CRTC3: variants seen among roughly 807,000 people sequenced by gnomAD.
CRTC3 encodes CREB regulated transcription coactivator 3.
CRTC3 carries 26 observed loss-of-function variants against 74.5 expected under a neutral mutation model. The observed-to-expected ratio is 0.35, with a 90% CI of 0.26 to 0.48. CRTC3 has a LOEUF of 0.48. Among genes scored for constraint, CRTC3 ranks in the 20% least tolerant of loss-of-function variants. The probability of loss-of-function intolerance (pLI) is 0.99; values close to 1 mark genes in which losing one functional copy is unlikely to be tolerated. For synonymous variants in CRTC3, 377 were observed against 325.8 expected, an observed-to-expected ratio of 1.16 and a Z score of -1.69; for missense variants, 760 against 787.3, an observed-to-expected ratio of 0.97 and a Z score of 0.41.
intron 9 of CRTC3, among the ~76,000 whole-genome samples, chr15:90,623,642 C>G (rs1968727509): frequency 6.6e-6 from 1 of 152,160 alleles, no homozygotes; most frequent in Admixed American, 6.5e-5. Flanking sequence ...CCGTGCACCC[C>G]AAGACCCCTT....
intron 2 of CRTC3, among the ~76,000 whole-genome samples, chr15:90,558,971 C>G (rs1303705745): frequency 6.6e-6 from 1 of 151,924 alleles, no homozygotes; most frequent in Non-Finnish European, 1.5e-5. Context: ...AGGATGGTCT[C>G]GATCTCCTGG....
chr15:90,535,094 G>A (rs1966695849), intron 1 of CRTC3, among the ~76,000 whole-genome samples: 2 of 152,006 alleles, frequency 1.3e-5, no homozygotes, highest in South Asian at 4.2e-4. Context: ...CTGGGAGGCG[G>A]AGGTTGCAGT....
At chr15:90,604,243 G>T in intron 4 of CRTC3, 142 bp from the exon 5 acceptor site, 1 of 649,834 alleles carries the variant, frequency 1.5e-6, no homozygotes, top group South Asian at 1.7e-5. Flanking sequence ...TGAGCAAAAT[G>T]AGCGAGGTGT....
chr15:90,531,031 G>GAGGACCAT (rs1247878460), intron 1 of CRTC3, among the ~76,000 whole-genome samples: 1 of 151,910 alleles, frequency 6.6e-6, no homozygotes, highest in Non-Finnish European at 1.5e-5. Flanking sequence ...GCTGACCTTG[G>GAGGACCAT]AGGACCATCG....
rs1969514933 is a variant in CRTC3 at position 90,643,255 on chromosome 15, C to G, written c.*1115C>G. On this transcript the variant is annotated 3_prime_UTR_variant, in exon 15 of 15. Transcript: ENST00000268184. ...CGTCCGCCATGCCGTAAGGCAGGCT[C>G]ACCTGTAGCTATCCCCTTCCCTGCC... 1 of 232,550 alleles carries G rather than the reference C, an allele frequency of 4.3e-6. No individual in the cohort carries two copies. Among genetic ancestry groups the G allele is most frequent in the African/African-American group, 2.2e-5 (1 of 45,318 alleles). The allele number at this position is 232,550 out of a possible 1,614,324, so 14.4% of individuals were successfully genotyped here.
rs1186280529 is a variant in CRTC3, at chr15:90,638,743, T to G, written c.1476T>G (p.Ser492=). 1 of 1,614,192 alleles carries G rather than the reference T, an allele frequency of 6.2e-7. No homozygotes were observed. The highest frequency in any genetic ancestry group is 8.5e-7 in the Non-Finnish European group (1 of 1,180,020). Reference sequence around the variant, plus strand: ...CTCCTTATTCCCTGAAGGGCTCATCTTTGACCAACTTCTTCCCAGATGTGG... The same window carrying G: ...CTCCTTATTCCCTGAAGGGCTCATCGTTGACCAACTTCTTCCCAGATGTGG... ...DFQLLPAQGS[S]LTNFFPDVGF... The change falls in exon 13 of 15, where the codon TCT becomes TCG. Residue 492 remains serine (S), a synonymous_variant. Coordinates refer to ENST00000268184, the MANE Select transcript of CRTC3 (RefSeq NM_022769.5).
At chr15:90,554,718 G>A (rs544245521) in intron 2 of CRTC3, among the ~76,000 whole-genome samples, 122 of 152,318 alleles carry the variant, frequency 8.0e-4, no homozygotes, top group Admixed American at 1.9e-3. Context: ...ACAGGACCTG[G>A]TGAGGATGAA....
chr15:90,604,210 G>A, intron 4 of CRTC3, 175 bp from the exon 5 acceptor site: 1 of 596,096 alleles, frequency 1.7e-6, no homozygotes, highest in Non-Finnish European at 3.1e-6. Context: ...GGATCATGGA[G>A]TCTTACCTCA....
chr15:90,543,300 C>CAG (rs34260328), intron 2 of CRTC3, among the ~76,000 whole-genome samples: 1 of 108,248 alleles, frequency 9.2e-6, no homozygotes, highest in African/African-American at 3.6e-5. Flanking sequence ...AACCCTGTCT[C>CAG]AAAAAAAAAA....
At chr15:90,641,899 C>G (rs774251310) in intron 14 of CRTC3, 33 bp from the exon 15 acceptor site, 1 of 1,601,240 alleles carries the variant, frequency 6.2e-7, no homozygotes, top group South Asian at 1.1e-5. Flanking sequence ...GCCTCCTAAC[C>G]GCACTGTTTT....
intron 2 of CRTC3, among the ~76,000 whole-genome samples, chr15:90,547,144 TATACG>T (rs1308939487): frequency 2.0e-5 from 3 of 152,242 alleles, no homozygotes; most frequent in African/African-American, 7.2e-5. Flanking sequence ...ATATTTATGG[TATACG>T]ATACGATATT....
In CRTC3 at chr15:90,643,824, C is replaced by T. The variant is rs1463490705; in HGVS notation, c.*1684C>T. 3 of 232,170 alleles carry T rather than the reference C, an allele frequency of 1.3e-5. No homozygotes were observed. Among genetic ancestry groups the T allele is most frequent in the Admixed American group, 5.6e-5 (1 of 17,734 alleles). The allele number at this position is 232,170 out of a possible 1,614,324, so 14.4% of individuals were successfully genotyped here. A position where few individuals can be genotyped will look rare whatever the true frequency, so the allele number is the denominator to read the frequency against. On this transcript the variant is annotated 3_prime_UTR_variant, in exon 15 of 15. Coordinates refer to ENST00000268184, the MANE Select transcript of CRTC3 (RefSeq NM_022769.5). The stretch of plus-strand genomic sequence containing the variant: ...AGGACCTTTGCTTGGACAGCCATTG[C>T]CCTTCCAGGAGACCCTGGAGTGTAC...
chr15:90,603,748 G>C (rs2151082625), intron 4 of CRTC3, among the ~76,000 whole-genome samples: 1 of 152,148 alleles, frequency 6.6e-6, no homozygotes, highest in Admixed American at 6.5e-5. Context: ...CCATTCTCTG[G>C]GCAAATACTG....
rs1236395642 is a variant in CRTC3, at chr15:90,643,536, T to C, written c.*1396T>C. ...TCTCAGATCCACGTTTGGCTCTAAA[T>C]TGCTTCAAGTAGAGATTCATTCTTT... On this transcript the variant is annotated 3_prime_UTR_variant, in exon 15 of 15. Transcript: ENST00000268184. 3 of 228,526 alleles carry C rather than the reference T, an allele frequency of 1.3e-5. No homozygotes were observed. The highest frequency in any genetic ancestry group is 5.7e-5 in the Admixed American group (1 of 17,650). The allele number at this position is 228,526 out of a possible 1,614,324, so 14.2% of individuals were successfully genotyped here.
chr15:90,639,038 G>C (rs1308986758), intron 13 of CRTC3, among the ~76,000 whole-genome samples: 1 of 152,142 alleles, frequency 6.6e-6, no homozygotes, highest in African/African-American at 2.4e-5. Flanking sequence ...TGGAACAATC[G>C]GCAGGAGACT....
chr15:90,541,246 T>A (rs888540439), intron 2 of CRTC3, among the ~76,000 whole-genome samples: 2 of 152,240 alleles, frequency 1.3e-5, no homozygotes, highest in African/African-American at 4.8e-5. Flanking sequence ...ATATAAACTT[T>A]AAGATGAAGC....
At chr15:90,537,137 A>G (rs1966732547) in intron 1 of CRTC3, among the ~76,000 whole-genome samples, 1 of 152,230 alleles carries the variant, frequency 6.6e-6, no homozygotes, top group Admixed American at 6.5e-5. Flanking sequence ...ACAGTCTCAA[A>G]GTTCTTTTTC....
chr15:90,608,358 C>T (rs1968278928), intron 6 of CRTC3, among the ~76,000 whole-genome samples: 1 of 152,166 alleles, frequency 6.6e-6, no homozygotes, highest in Admixed American at 6.6e-5. Flanking sequence ...GTCTGCCTCT[C>T]TCCCTTTTCT....
intron 2 of CRTC3, among the ~76,000 whole-genome samples, chr15:90,553,710 G>A (rs190834407): frequency 6.6e-6 from 1 of 152,274 alleles, no homozygotes; most frequent in Admixed American, 6.5e-5. Context: ...TCATGCAGTG[G>A]AGGGGCAGCA....
Sources: gnomAD v4.1 joint callset for allele counts (sites outside exome capture counted in the v4.1 genomes callset) on GRCh38, gnomAD v4.1.1 for gene constraint, MANE v1.5 for transcripts, NCBI Gene and HGNC (gene_info 2026-07-23, HGNC 2026-07-21) for gene names.